Variants in TMEM120B observed in about 807,000 individuals in gnomAD.
TMEM120B encodes transmembrane protein 120B.
A neutral mutation model predicts 55.5 loss-of-function variants in TMEM120B; 31 were observed. The observed-to-expected ratio is 0.56, with a 90% confidence interval of 0.42 to 0.75. The LOEUF is 0.75. Among genes scored for constraint, TMEM120B ranks in the 30% least tolerant of loss-of-function variants. The pLI, the probability that TMEM120B is intolerant of heterozygous loss-of-function variation, is 0.00. For missense variants in TMEM120B, 399 were observed against 425.5 expected, an observed-to-expected ratio of 0.94 and a Z score of 0.55; for synonymous variants, 203 against 176.3, an observed-to-expected ratio of 1.15 and a Z score of -1.20.
In TMEM120B at chr12:121,780,951, C is replaced by T; in HGVS notation, c.*5229C>T. 6.2e-7 allele frequency: 1 copy of T among 1,614,074 alleles called. No individual in the cohort carries two copies. The highest frequency in any genetic ancestry group is 8.5e-7 in the Non-Finnish European group (1 of 1,179,990). ...CTTGTCCTTCCTCAGGTCTGTCTTGCAGCCGATGAGCACCATGGGGATCCC... is the reference window on the plus strand; with the variant it reads ...CTTGTCCTTCCTCAGGTCTGTCTTGTAGCCGATGAGCACCATGGGGATCCC... On this transcript the variant is annotated 3_prime_UTR_variant, in exon 12 of 12. Transcript: ENST00000449592.
chr12:121,744,596 G>A (rs1873028408), intron 2 of TMEM120B, among the ~76,000 whole-genome samples: 1 of 152,170 alleles, frequency 6.6e-6, no homozygotes, highest in Non-Finnish European at 1.5e-5. Context: ...CCCAAGGCCT[G>A]GATCGTGTTC....
intron 1 of TMEM120B, among the ~76,000 whole-genome samples, chr12:121,727,864 A>G (rs1482806715): frequency 1.7e-5 from 2 of 114,366 alleles, no homozygotes; most frequent in Non-Finnish European, 3.6e-5. Flanking sequence ...ACAGAGCGAC[A>G]CTCCATCTCA....
At position 121,775,074 on chromosome 12, in the gene TMEM120B, T is replaced by C. The variant is rs202099084; in HGVS notation, c.850T>C (p.Tyr284His). 1 of 1,556,326 alleles carries C rather than the reference T, an allele frequency of 6.4e-7. No homozygotes were observed. The highest frequency in any genetic ancestry group is 8.7e-7 in the Non-Finnish European group (1 of 1,147,062). The change falls in exon 11 of 12, where the codon TAC becomes CAC. Residue 284 changes from tyrosine (Y) to histidine (H), a missense_variant. Tyr to His is a moderately conservative substitution (Grantham distance 83). Around this residue, in one of 3 missense-constraint regions of TMEM120B, gnomAD observed 260 missense variants for 303.9 expected, o/e 0.86. Coordinates refer to ENST00000449592, the MANE Select transcript of TMEM120B (RefSeq NM_001080825.2). This position sits in a 1 kb window ranked among gnomAD's most constrained non-coding sequence, Gnocchi z 4.3. Reference sequence around the variant, plus strand: ...CCTTCCTCTCCAGTTCTGGCAGCTCTACAATGCCGTCACGCTGTTTGAGCT... The same window carrying C: ...CCTTCCTCTCCAGTTCTGGCAGCTCCACAATGCCGTCACGCTGTTTGAGCT... ...FLFCGHFWQL[Y>H]NAVTLFELSS... is the part of the protein sequence containing the mutation.
chr12:121,780,560 G>C lies in TMEM120B; in HGVS notation c.*4838G>C. ...ACAGACTTTGGATTGCAGTGGATGG[G>C]ACCAGATCCTGGCTCCACTTCTCGC... is the stretch of plus-strand genomic sequence containing the variant. On this transcript the variant is annotated 3_prime_UTR_variant, in exon 12 of 12. Transcript: ENST00000449592. 1 of 509,020 alleles carries C rather than the reference G, an allele frequency of 2.0e-6. No homozygotes were observed. The highest frequency in any genetic ancestry group is 3.5e-6 in the Non-Finnish European group (1 of 289,404). 31.5% of individuals were successfully genotyped at this position (509,020 alleles called of 1,614,324 possible).
intron 2 of TMEM120B, among the ~76,000 whole-genome samples, chr12:121,747,283 C>T (rs11043185): frequency 0.88 from 42,182 of 48,106 alleles, 18,204 homozygotes; most frequent in Admixed American, 0.92. Context: ...GGGTAGAAGG[C>T]GGGAGGCTGG....
intron 1 of TMEM120B, among the ~76,000 whole-genome samples, chr12:121,715,150 A>G (rs1324303135): frequency 1.3e-5 from 2 of 152,016 alleles, no homozygotes; most frequent in Admixed American, 1.3e-4. Flanking sequence ...AGCCTGGCCA[A>G]CACAGTGAGA....
At chr12:121,740,460 G>C (rs1872903112) in intron 1 of TMEM120B, among the ~76,000 whole-genome samples, 1 of 151,852 alleles carries the variant, frequency 6.6e-6, no homozygotes, top group African/African-American at 2.4e-5. Context: ...ACTCCAGCCT[G>C]GGCAACAAGA....
In TMEM120B at chr12:121,743,744, A is replaced by C; in HGVS notation, c.185A>C (p.Gln62Pro). The change falls in exon 2 of 12, where the codon CAG (glutamine) becomes CCG (proline). Residue 62 changes from glutamine to proline, a missense_variant. By Grantham distance (76) the Gln-to-Pro change is moderately conservative. This residue lies in a region of TMEM120B where 133 missense variants were observed against 104.1 expected (regional missense o/e 1.28). Transcript: ENST00000449592. Reference protein sequence around the residue: ...KHLKDLKLTLQRCKRHASREE... With the variant: ...KHLKDLKLTLPRCKRHASREE... ...CTCAAGGACTTGAAGCTTACACTCC[A>C]GAGGTAGGTGCAGCTGTAGCCCGGG... is the stretch of plus-strand genomic sequence containing the variant. 6.2e-7 allele frequency: 1 copy of C among 1,610,904 alleles called. No individual in the cohort carries two copies. Among genetic ancestry groups the C allele is most frequent in the Non-Finnish European group, 8.5e-7 (1 of 1,178,080 alleles).
At chr12:121,718,597 A>G (rs1592921663) in intron 1 of TMEM120B, among the ~76,000 whole-genome samples, 1 of 152,170 alleles carries the variant, frequency 6.6e-6, no homozygotes, top group South Asian at 2.1e-4. Context: ...CTTGAAAGTC[A>G]TGGAGCCAGA....
rs1405727239 is a variant in TMEM120B at position 121,776,764 on chromosome 12, T to C, written c.*1042T>C. The C allele has an allele frequency of 6.6e-6, 1 of 152,226 alleles. No individual in the cohort carries two copies. Among genetic ancestry groups the C allele is most frequent in the Admixed American group, 6.5e-5 (1 of 15,282 alleles). The allele number at this position is 152,226 out of a possible 1,614,324, so 9.4% of individuals were successfully genotyped here. A position where few individuals can be genotyped will look rare whatever the true frequency, so the allele number is the denominator to read the frequency against. ...CAGCAGTGCCCACAGGCATGCCTTG[T>C]TTAGCCCTCCTCAAGGAATTTTAAA... On this transcript the variant is annotated 3_prime_UTR_variant, in exon 12 of 12. Coordinates refer to ENST00000449592, the MANE Select transcript of TMEM120B (RefSeq NM_001080825.2).
At chr12:121,748,849 A>G (rs554149510) in intron 3 of TMEM120B, among the ~76,000 whole-genome samples, 1 of 152,318 alleles carries the variant, frequency 6.6e-6, no homozygotes, top group African/African-American at 2.4e-5. Context: ...CCATTTTTAC[A>G]AGATTCAGAG....
At position 121,774,605 on chromosome 12, in the gene TMEM120B, G is replaced by A. The variant is rs145229776; in HGVS notation, c.773-53G>A. 8.8e-6 allele frequency: 14 copies of A among 1,583,928 alleles called. No homozygotes were observed. The African/African-American group carries it at 1.8e-4, about 20-fold the overall frequency. The stretch of plus-strand genomic sequence containing the variant: ...CTGGGGGTGGGCGTCTGGTGGAGCT[G>A]TGGGGGCAGCGGACCCCCTCAGCGG... On this transcript the variant is annotated intron_variant, in intron 9 of 11. Transcript: ENST00000449592.
chr12:121,766,075 G>A (rs1347040668), intron 6 of TMEM120B, among the ~76,000 whole-genome samples: 3 of 152,152 alleles, frequency 2.0e-5, no homozygotes, highest in Non-Finnish European at 2.9e-5. Flanking sequence ...TTCTAGAGAC[G>A]GCGTCGCTGA....
At chr12:121,745,527 G>C (rs1277439015) in intron 2 of TMEM120B, among the ~76,000 whole-genome samples, 1 of 151,398 alleles carries the variant, frequency 6.6e-6, no homozygotes, top group Non-Finnish European at 1.5e-5. Context: ...GAGTAGCTGG[G>C]ATTACAGGTG....
At chr12:121,721,803 A>ATTTTTTTT (rs1894793852) in intron 1 of TMEM120B, among the ~76,000 whole-genome samples, 5 of 73,990 alleles carry the variant, frequency 6.8e-5, no homozygotes, top group Non-Finnish European at 9.9e-5. Flanking sequence ...AATCAGTTCT[A>ATTTTTTTT]CTTTTTTTTT....
chr12:121,741,011 A>T (rs1042882205), intron 1 of TMEM120B, among the ~76,000 whole-genome samples: 2 of 152,136 alleles, frequency 1.3e-5, no homozygotes, highest in East Asian at 3.8e-4. Flanking sequence ...GCTGTGTTCC[A>T]ATAAAACTTT....
intron 1 of TMEM120B, among the ~76,000 whole-genome samples, chr12:121,736,496 C>T (rs1370696984): frequency 4.0e-5 from 6 of 150,908 alleles, no homozygotes; most frequent in South Asian, 2.1e-4. Context: ...TCAGGTGATC[C>T]GCCTGCCTTG....
intron 1 of TMEM120B, among the ~76,000 whole-genome samples, chr12:121,740,666 G>T (rs1272095003): frequency 6.6e-6 from 1 of 152,022 alleles, no homozygotes; most frequent in South Asian, 2.1e-4. Context: ...GCTGTCTCGG[G>T]GTGGCAGAGG....
intron 6 of TMEM120B, among the ~76,000 whole-genome samples, chr12:121,763,488 G>C (rs12372343): frequency 6.6e-6 from 1 of 151,968 alleles, no homozygotes; most frequent in South Asian, 2.1e-4. Flanking sequence ...CTGTGGCCTA[G>C]ACTGGAGTGC....
Sources: gnomAD v4.1 joint callset for allele counts (sites outside exome capture counted in the v4.1 genomes callset) on GRCh38, gnomAD v4.1.1 for gene constraint, gnomAD v4.1.1 regional missense constraint, Gnocchi (gnomAD v3.1) non-coding constraint, MANE v1.5 for transcripts, NCBI Gene and HGNC (gene_info 2026-07-23, HGNC 2026-07-21) for gene names.